The following KALRN variants were observed in gnomAD, a reference collection of about 807,000 sequenced individuals.
KALRN encodes the protein kalirin RhoGEF kinase.
KALRN carries 70 observed loss-of-function variants against 353.7 expected under a neutral mutation model. That is an observed-to-expected ratio of 0.20 (90% CI 0.16 to 0.24). The LOEUF is 0.24. Ranked by LOEUF, KALRN falls within the 10% of genes least tolerant of loss-of-function variation. The pLI, the probability that KALRN is intolerant of heterozygous loss-of-function variation, is 1.00. For missense variants in KALRN, 2,791 were observed against 3,756.7 expected (o/e 0.74, Z 6.72); for synonymous variants, 1,391 against 1,434.8 (o/e 0.97, Z 0.69).
At chr3:124,392,611 C>CTTT (rs35158681) in intron 11 of KALRN, among the ~76,000 whole-genome samples, 4 of 107,714 alleles carry the variant, frequency 3.7e-5, no homozygotes, top group African/African-American at 6.9e-5. Flanking sequence ...TTCTTTCTTT[C>CTTT]TTTTTTTTTT....
intron 24 of KALRN, 126 bp downstream of exon 24, chr3:124,462,082 A>G (rs2059912640): frequency 4.3e-6 from 3 of 700,042 alleles, no homozygotes; most frequent in African/African-American, 3.6e-5. Flanking sequence ...AAAAGTCAAC[A>G]AGAGGAAATC....
chr3:124,105,524 G>A (rs2062221210), intron 1 of KALRN, among the ~76,000 whole-genome samples: 1 of 152,162 alleles, frequency 6.6e-6, no homozygotes, highest in African/African-American at 2.4e-5. Flanking sequence ...AGAGAGATAC[G>A]AAGAGTATTC....
chr3:124,254,961 T>C (rs2071728224), intron 3 of KALRN, among the ~76,000 whole-genome samples: 1 of 152,118 alleles, frequency 6.6e-6, no homozygotes, highest in East Asian at 1.9e-4. Context: ...TATTTTTTTT[T>C]TGAGACAGAG....
At chr3:124,492,610 T>A in intron 31 of KALRN, 130 bp from the exon 32 acceptor site, 2 of 959,592 alleles carry the variant, frequency 2.1e-6, no homozygotes, top group East Asian at 4.9e-5. Context: ...AAGTATGAAA[T>A]GAGAAATAAA....
At chr3:124,297,382 G>A (rs1222104948) in intron 5 of KALRN, among the ~76,000 whole-genome samples, 2 of 152,194 alleles carry the variant, frequency 1.3e-5, no homozygotes, top group Non-Finnish European at 2.9e-5. Context: ...TCTTCTCCAA[G>A]TATACTCTTT....
chr3:124,352,887 A>AT (rs2082986104), intron 10 of KALRN, among the ~76,000 whole-genome samples: 2 of 152,186 alleles, frequency 1.3e-5, no homozygotes, highest in African/African-American at 2.4e-5. Context: ...TGAGGGAGGG[A>AT]TAGCATTAGG....
chr3:124,294,885 A>G (rs1162127508), intron 5 of KALRN, among the ~76,000 whole-genome samples: 1 of 152,238 alleles, frequency 6.6e-6, no homozygotes, highest in East Asian at 1.9e-4. Flanking sequence ...GCTTGCCTCC[A>G]TTCTGCAAAC....
chr3:124,289,470 C>G (rs754801276), intron 5 of KALRN, among the ~76,000 whole-genome samples: 7 of 151,784 alleles, frequency 4.6e-5, no homozygotes, highest in Non-Finnish European at 7.4e-5. Context: ...TACTTAATCT[C>G]TCTGAATCTG....
At chr3:124,639,532 T>G (rs747388104) in intron 37 of KALRN, among the ~76,000 whole-genome samples, 3 of 152,240 alleles carry the variant, frequency 2.0e-5, no homozygotes, top group Non-Finnish European at 4.4e-5. Flanking sequence ...ATTACCTTTT[T>G]GCCCACTACT....
intron 1 of KALRN, among the ~76,000 whole-genome samples, chr3:124,141,141 C>G (rs1047859203): frequency 6.6e-6 from 1 of 152,174 alleles, no homozygotes; most frequent in Non-Finnish European, 1.5e-5. Flanking sequence ...TCCTGGCCAC[C>G]TCCAATGCCA....
intron 6 of KALRN, among the ~76,000 whole-genome samples, chr3:124,310,070 G>T (rs1269635216): frequency 2.6e-5 from 4 of 152,074 alleles, no homozygotes; most frequent in Non-Finnish European, 4.4e-5. Context: ...CAACAAGGTT[G>T]CAGGATACAA....
Position 124,438,899 on chromosome 3 carries a change from C to G in KALRN, c.3060C>G (p.Val1020=), listed in dbSNP as rs1361537060. ...CCATGATTCACTAGGTGTGTAGTGT[C>G]CTGGAGAGCTTAGAGCAAGAATACC... is the stretch of plus-strand genomic sequence containing the variant. ...FYKTSEQVCS[V]LESLEQEYRR... The change falls in exon 18 of 60, where the codon GTC becomes GTG. Residue 1020 remains valine (V), a synonymous_variant. Transcript: ENST00000682506. The G allele has an allele frequency of 1.9e-6, 3 of 1,613,724 alleles. No individual in the cohort carries two copies. Among genetic ancestry groups the G allele is most frequent in the Non-Finnish European group, 2.5e-6 (3 of 1,179,820 alleles).
chr3:124,476,191 G>A (rs1052132826), intron 26 of KALRN, among the ~76,000 whole-genome samples: 44 of 151,910 alleles, frequency 2.9e-4, no homozygotes, highest in African/African-American at 1.0e-3. Context: ...ATGCAGAAAT[G>A]AAGGGTAGAA....
At chr3:124,414,156 G>T (rs979395844) in intron 14 of KALRN, among the ~76,000 whole-genome samples, 1 of 152,156 alleles carries the variant, frequency 6.6e-6, no homozygotes, top group Admixed American at 6.5e-5. Context: ...AGGTTGCCCA[G>T]TTAGGCTGTG....
chr3:124,482,876 C>A lies in KALRN; in HGVS notation c.4260C>A (p.Ile1420=). 1 of 1,611,934 alleles carries A rather than the reference C, an allele frequency of 6.2e-7. No individual in the cohort carries two copies. Among genetic ancestry groups the A allele is most frequent in the Non-Finnish European group, 8.5e-7 (1 of 1,177,968 alleles). Residue 1420 remains isoleucine, a synonymous_variant, in exon 28 of 60, where the codon ATC becomes ATA. Transcript: ENST00000682506. ...ACCTAATTAAGCCTGTCCAAAGGAT[C>A]ACCAAATATCAACTGCTCCTGAAGG... ...SSYLIKPVQR[I]TKYQLLLKEL...
rs141519141 is a variant in KALRN, at chr3:124,050,136, T to A, written c.73+16323T>A. Among the ~76,000 whole-genome samples, 459 of 152,316 alleles carry A rather than the reference T, an allele frequency of 3.0e-3. 1 individual carries two copies. The highest frequency in any genetic ancestry group is 4.2e-3 in the Non-Finnish European group (289 of 68,028). ...AGGCAAGATAGCTAGATCCCACTGG[T>A]CTTTGCTTCATGGAGGCAGGGCTGG... is the stretch of plus-strand genomic sequence containing the variant. On this transcript the variant is annotated intron_variant, in intron 1 of 59. Coordinates refer to ENST00000682506, the MANE Select transcript of KALRN (RefSeq NM_001388419.1).
At chr3:124,407,179 A>C (rs904155608) in intron 13 of KALRN, among the ~76,000 whole-genome samples, 1 of 152,106 alleles carries the variant, frequency 6.6e-6, no homozygotes, top group South Asian at 2.1e-4. Flanking sequence ...AAACGAAATA[A>C]TATTTCCCAG....
At chr3:124,681,995 C>T (rs983566258) in intron 51 of KALRN, among the ~76,000 whole-genome samples, 2 of 152,130 alleles carry the variant, frequency 1.3e-5, no homozygotes, top group African/African-American at 4.8e-5. Context: ...TGAGCAAGTC[C>T]AGAGGGAAAG....
At chr3:124,594,935 T>C (rs1023322923) in intron 34 of KALRN, among the ~76,000 whole-genome samples, 1 of 152,024 alleles carries the variant, frequency 6.6e-6, no homozygotes, top group African/African-American at 2.4e-5. Flanking sequence ...TTTTCTTTCC[T>C]TTTTTCTTTT....
Sources: allele counts gnomAD v4.1 joint callset (sites outside exome capture counted in the v4.1 genomes callset), GRCh38; gene constraint gnomAD v4.1.1; transcripts MANE v1.5; gene names NCBI Gene and HGNC (gene_info 2026-07-23, HGNC 2026-07-21).